FN3KRP: variants seen among roughly 807,000 people sequenced by gnomAD.
FN3KRP encodes ketosamine-3-kinase.
Under a neutral mutation model 29.8 loss-of-function variants are expected in FN3KRP, and 33 were observed. That is an observed-to-expected ratio of 1.11 (90% CI 0.84 to 1.48). FN3KRP has a LOEUF of 1.48. Among genes scored for constraint, FN3KRP ranks in the 40% most tolerant of loss-of-function variants. The probability of loss-of-function intolerance (pLI) is 0.00; values close to 1 mark genes in which losing one functional copy is unlikely to be tolerated. For missense variants in FN3KRP, 430 were observed against 402.6 expected (o/e 1.07, Z -0.58); for synonymous variants, 157 against 155.2 (o/e 1.01, Z -0.09).
intron 4 of FN3KRP, among the ~76,000 whole-genome samples, chr17:82,724,437 C>G (rs1348630632): frequency 6.6e-6 from 1 of 151,972 alleles, no homozygotes. Flanking sequence ...AATCCTGTCT[C>G]TACTAAAAAT....
chr17:82,720,205 G>A (rs751896614), intron 2 of FN3KRP, 67 bp from the exon 3 acceptor site: 1 of 1,307,302 alleles, frequency 7.6e-7, no homozygotes. Flanking sequence ...TGTGCCCTGA[G>A]ACTGAGCAGT....
chr17:82,725,089 G>T (rs2046827841), intron 4 of FN3KRP, among the ~76,000 whole-genome samples: 1 of 151,800 alleles, frequency 6.6e-6, no homozygotes, highest in Non-Finnish European at 1.5e-5. Context: ...GGGATTACAG[G>T]CATGAGCCAC....
At chr17:82,725,542 C>T (rs184219141) in intron 4 of FN3KRP, among the ~76,000 whole-genome samples, 9 of 152,036 alleles carry the variant, frequency 5.9e-5, no homozygotes, top group South Asian at 2.1e-4. Context: ...CTCCAGCTTC[C>T]GGGTTCAATC....
At chr17:82,717,123 T>C (rs2046761919) in intron 1 of FN3KRP, among the ~76,000 whole-genome samples, 1 of 151,452 alleles carries the variant, frequency 6.6e-6, no homozygotes. Flanking sequence ...CGGGGAACTG[T>C]CCGGAGCAGG....
At chr17:82,724,519 G>A (rs1262422375) in intron 4 of FN3KRP, among the ~76,000 whole-genome samples, 1 of 151,880 alleles carries the variant, frequency 6.6e-6, no homozygotes. Context: ...CAGGAGAATC[G>A]CTTGAACCCG....
rs569244448 is a variant in FN3KRP, at chr17:82,717,043, C to T, written c.141+147C>T. 281 of 1,053,914 alleles carry T rather than the reference C, an allele frequency of 2.7e-4. 1 individual carries two copies. The African/African-American group carries it at 4.5e-3, about 17-fold the overall frequency. The allele number at this position is 1,053,914 out of a possible 1,614,324, so 65.3% of individuals were successfully genotyped here. On this transcript the variant is annotated intron_variant, in intron 1 of 5. Coordinates refer to ENST00000269373, the MANE Select transcript of FN3KRP (RefSeq NM_024619.4). ...GCCGCCGCCGCCCCTTGCGGGGAAC[C>T]CTTTGCGCGGGGCGAGCGGTGAACG... is the stretch of plus-strand genomic sequence containing the variant.
chr17:82,719,193 C>A, intron 2 of FN3KRP, 136 bp downstream of exon 2: 1 of 784,744 alleles, frequency 1.3e-6, no homozygotes, highest in Non-Finnish European at 2.0e-6. Flanking sequence ...TCACACCACC[C>A]CCCAGCTGGC....
At chr17:82,725,146 AAGAT>A (rs1020582040) in intron 4 of FN3KRP, among the ~76,000 whole-genome samples, 1 of 150,882 alleles carries the variant, frequency 6.6e-6, no homozygotes, top group Non-Finnish European at 1.5e-5. Context: ...TTAATTTTAA[AAGAT>A]AGAGTCTCTC....
chr17:82,721,241 C>T (rs2046796421), intron 3 of FN3KRP, among the ~76,000 whole-genome samples: 1 of 152,072 alleles, frequency 6.6e-6, no homozygotes, highest in Admixed American at 6.6e-5. Flanking sequence ...GTGCATGCCA[C>T]TGTGCCCACC....
intron 4 of FN3KRP, among the ~76,000 whole-genome samples, chr17:82,724,113 T>A (rs1275323356): frequency 6.7e-6 from 1 of 149,976 alleles, no homozygotes; most frequent in African/African-American, 2.5e-5. Flanking sequence ...GCCAACATGG[T>A]GAAACCCTCT....
chr17:82,717,805 C>T (rs1486654765), intron 1 of FN3KRP, among the ~76,000 whole-genome samples: 1 of 152,084 alleles, frequency 6.6e-6, no homozygotes, highest in African/African-American at 2.4e-5. Flanking sequence ...CTCTGAAGAA[C>T]TGAAAGAAGG....
At position 82,718,165 on chromosome 17, in the gene FN3KRP, CTG is replaced by C. The variant is rs775854428; in HGVS notation, c.142-739_142-738del. On this transcript the variant is annotated intron_variant, in intron 1 of 5. Coordinates refer to ENST00000269373, the MANE Select transcript of FN3KRP (RefSeq NM_024619.4). Reference sequence around the variant, plus strand: ...TATGTGTTGTGTGTGTGTTGTGTGTCTGTATATGTTGTGTGTGTGTGTTATGT... The same window carrying C: ...TATGTGTTGTGTGTGTGTTGTGTGTCTATATGTTGTGTGTGTGTGTTATGT... Among the ~76,000 whole-genome samples the C allele has an allele frequency of 1.8e-4, 21 of 113,776 alleles. No individual in the cohort carries two copies. In the South Asian group the frequency reaches 3.5e-3, roughly 19 times the overall value. The allele number at this position is 113,776 out of a possible 152,430, so 74.6% of individuals were successfully genotyped here.
intron 3 of FN3KRP, chr17:82,722,568 A>G (rs910927584): frequency 6.1e-6 from 3 of 495,712 alleles, no homozygotes; most frequent in African/African-American, 1.9e-5. Context: ...AGTGTCTTTG[A>G]TGCTGACGTC....
At position 82,722,779 on chromosome 17, in the gene FN3KRP, CCTTT is replaced by C. The variant is rs1225527245; in HGVS notation, c.386-20_386-17del. On this transcript the variant is annotated intron_variant, in intron 3 of 5. Transcript: ENST00000269373. ...CGCTGGGATCCCTTGGAACTAATTT[CCTTT>C]CTTTTACTTTTGCTTGCAAGGGAGA... 3.1e-6 allele frequency: 5 copies of C among 1,611,178 alleles called. No individual in the cohort carries two copies. The South Asian group carries it at 3.3e-5, about 11-fold the overall frequency.
Position 82,716,749 on chromosome 17 carries a change from C to T in FN3KRP, c.-7C>T, listed in dbSNP as rs1451517947. On this transcript the variant is annotated 5_prime_UTR_variant, in exon 1 of 6. Transcript: ENST00000269373. ...ATCCGGGGCGGGTCCGCGGCCGCGG[C>T]GGGAACATGGAGGAGCTCCTGAGGC... The T allele has an allele frequency of 1.3e-6, 2 of 1,491,108 alleles. No individual in the cohort carries two copies. The highest frequency in any genetic ancestry group is 1.8e-6 in the Non-Finnish European group (2 of 1,127,290). 92.4% of individuals were successfully genotyped at this position (1,491,108 alleles called of 1,614,324 possible). A position where few individuals can be genotyped will look rare whatever the true frequency, so the allele number is the denominator to read the frequency against.
intron 1 of FN3KRP, 59 bp from the exon 2 acceptor site, chr17:82,718,847 C>T: frequency 6.3e-7 from 1 of 1,575,342 alleles, no homozygotes. Flanking sequence ...ATCTACAGAA[C>T]CTTCCGGAAG....
chr17:82,727,116 T>C lies in FN3KRP; in HGVS notation c.875T>C (p.Phe292Ser). 1.9e-6 allele frequency: 3 copies of C among 1,614,130 alleles called. No individual in the cohort carries two copies. Among genetic ancestry groups the C allele is most frequent in the South Asian group, 2.2e-5 (2 of 91,082 alleles). ...CACTACTTGAACCACTGGAATCATT[T>C]TGGATCGGGGTACAGAGGATCCTCC... ...LFHYLNHWNH[F>S]GSGYRGSSLN... Residue 292 changes from phenylalanine to serine, a missense_variant, in exon 6 of 6, where the codon TTT (phenylalanine) becomes TCT (serine). By Grantham distance (155) the Phe-to-Ser change is radical. Transcript: ENST00000269373.
In FN3KRP at chr17:82,722,859, G is replaced by T. The variant is rs761463348; in HGVS notation, c.441G>T (p.Val147=). 4.3e-6 allele frequency: 7 copies of T among 1,614,104 alleles called. No homozygotes were observed. In the South Asian group the frequency reaches 7.7e-5, roughly 18 times the overall value. ...RPFVARFGFD[V]VTCCGYLPQV... The stretch of plus-strand genomic sequence containing the variant: ...TTGTGGCCCGGTTTGGATTTGACGT[G>T]GTGACGTGCTGTGGATACCTCCCCC... Residue 147 remains valine, a synonymous_variant, in exon 4 of 6, where the codon GTG becomes GTT. Transcript: ENST00000269373.
chr17:82,720,798 T>G (rs979103573), intron 3 of FN3KRP: 1 of 154,936 alleles, frequency 6.5e-6, no homozygotes, highest in Non-Finnish European at 1.4e-5. Flanking sequence ...AATTTTCCGG[T>G]ATTTTAATCT....
Sources: allele counts gnomAD v4.1 joint callset (sites outside exome capture counted in the v4.1 genomes callset), GRCh38; gene constraint gnomAD v4.1.1; transcripts MANE v1.5; gene names NCBI Gene and HGNC (gene_info 2026-07-23, HGNC 2026-07-21).